The following SLC35F3 variants were observed in gnomAD, a reference collection of about 807,000 sequenced individuals.
SLC35F3 encodes putative thiamine transporter SLC35F3.
A neutral mutation model predicts 49.9 loss-of-function variants in SLC35F3; 25 were observed. The ratio of observed to expected loss-of-function variants is 0.50; its 90% CI spans 0.37 to 0.70. SLC35F3 has a LOEUF of 0.70. SLC35F3 is among the 30% of genes least tolerant of loss of function. SLC35F3 has a pLI of 0.00. For synonymous variants in SLC35F3, 275 were observed against 265.4 expected, an observed-to-expected ratio of 1.04 and a Z score of -0.35; for missense variants, 525 against 639.8, an observed-to-expected ratio of 0.82 and a Z score of 1.94.
intron 2 of SLC35F3, among the ~76,000 whole-genome samples, chr1:234,167,016 G>A (rs772450531): frequency 2.0e-5 from 3 of 152,194 alleles, no homozygotes; most frequent in African/African-American, 4.8e-5. Flanking sequence ...GTAGCCATTT[G>A]TCATTGCTCT....
At chr1:233,975,468 G>A (rs1663064951) in intron 2 of SLC35F3, among the ~76,000 whole-genome samples, 1 of 152,228 alleles carries the variant, frequency 6.6e-6, no homozygotes, top group African/African-American at 2.4e-5. Context: ...ACGGCCCCGT[G>A]AGTCTGGCAG....
intron 2 of SLC35F3, among the ~76,000 whole-genome samples, chr1:233,958,731 C>T (rs1304487672): frequency 1.3e-5 from 2 of 152,184 alleles, no homozygotes; most frequent in Admixed American, 6.5e-5. Flanking sequence ...TACCACAGGA[C>T]TTAAATCCAA....
rs868557916 is a variant in SLC35F3 at position 234,033,332 on chromosome 1, T to C, written c.283+127574T>C. Among the ~76,000 whole-genome samples, 7 of 152,228 alleles carry C rather than the reference T, an allele frequency of 4.6e-5. No homozygotes were observed. The South Asian group carries it at 1.4e-3, about 32-fold the overall frequency. ...GTCTGTTTCCTCTGCTGATTATTTCTTTGGCTGTGCGGAAGTTTTTAGTTT... is the reference window on the plus strand; with the variant it reads ...GTCTGTTTCCTCTGCTGATTATTTCCTTGGCTGTGCGGAAGTTTTTAGTTT... On this transcript the variant is annotated intron_variant, in intron 2 of 7. Transcript: ENST00000366618.
At chr1:234,072,262 A>G (rs1572040977) in intron 2 of SLC35F3, among the ~76,000 whole-genome samples, 2 of 152,224 alleles carry the variant, frequency 1.3e-5, no homozygotes, top group East Asian at 3.8e-4. Context: ...GTTGCACTTA[A>G]TAAAAGGCAC....
chr1:234,223,217 G>T (rs1426108560), intron 2 of SLC35F3, among the ~76,000 whole-genome samples: 2 of 152,280 alleles, frequency 1.3e-5, no homozygotes, highest in East Asian at 3.9e-4. Context: ...AGTTATTCGG[G>T]ACCTCTAAGG....
intron 2 of SLC35F3, among the ~76,000 whole-genome samples, chr1:233,996,319 T>C (rs1271717519): frequency 6.6e-6 from 1 of 152,146 alleles, no homozygotes. Context: ...TGTGTGTAGG[T>C]TATATGCAAA....
At chr1:234,319,253 G>A (rs1305419975) in intron 6 of SLC35F3, among the ~76,000 whole-genome samples, 3 of 152,200 alleles carry the variant, frequency 2.0e-5, no homozygotes, top group Non-Finnish European at 4.4e-5. Flanking sequence ...TACCTGCAGA[G>A]GTCTTAGAAC....
intron 2 of SLC35F3, among the ~76,000 whole-genome samples, chr1:233,966,267 G>A (rs1301963755): frequency 6.6e-6 from 1 of 152,206 alleles, no homozygotes; most frequent in African/African-American, 2.4e-5. Flanking sequence ...TCAATAAGAG[G>A]TGACGGGTCT....
chr1:234,204,614 G>A (rs893077174), intron 2 of SLC35F3, among the ~76,000 whole-genome samples: 4 of 152,174 alleles, frequency 2.6e-5, no homozygotes, highest in African/African-American at 4.8e-5. Flanking sequence ...CAGAAACACT[G>A]TGGCACCAAC....
intron 2 of SLC35F3, among the ~76,000 whole-genome samples, chr1:233,999,978 C>A (rs1235664057): frequency 1.3e-5 from 2 of 151,986 alleles, no homozygotes; most frequent in African/African-American, 4.8e-5. Context: ...TGAGAATGAC[C>A]CCTGAACTCT....
intron 2 of SLC35F3, among the ~76,000 whole-genome samples, chr1:234,108,458 TTA>T (rs1203685315): frequency 2.3e-5 from 2 of 86,192 alleles, no homozygotes; most frequent in South Asian, 4.0e-4. Flanking sequence ...TATATATTAT[TTA>T]TATATATAAA....
At chr1:234,159,109 G>GC in intron 2 of SLC35F3, among the ~76,000 whole-genome samples, 2 of 152,164 alleles carry the variant, frequency 1.3e-5, no homozygotes, top group Middle Eastern at 6.8e-3. Flanking sequence ...TTTTCTCAGT[G>GC]CAAGACTCTT....
chr1:234,094,571 G>A (rs1288022810), intron 2 of SLC35F3, among the ~76,000 whole-genome samples: 2 of 152,132 alleles, frequency 1.3e-5, no homozygotes, highest in Non-Finnish European at 2.9e-5. Context: ...TGTGATTGAT[G>A]GGCCATTATT....
At chr1:234,158,343 AG>A (rs1364147251) in intron 2 of SLC35F3, among the ~76,000 whole-genome samples, 4 of 152,220 alleles carry the variant, frequency 2.6e-5, no homozygotes, top group African/African-American at 9.6e-5. Context: ...GAATAAGCAA[AG>A]TTATCTATAA....
intron 2 of SLC35F3, among the ~76,000 whole-genome samples, chr1:234,170,807 C>T (rs77513965): frequency 4.9e-4 from 74 of 152,028 alleles, no homozygotes; most frequent in South Asian, 1.2e-3. Context: ...AAGTACTTAA[C>T]GGTTGCACGA....
chr1:234,233,744 A>G (rs1418200331), intron 3 of SLC35F3, among the ~76,000 whole-genome samples: 9 of 152,270 alleles, frequency 5.9e-5, no homozygotes, highest in Non-Finnish European at 1.0e-4. Flanking sequence ...ACTGGCGAAC[A>G]ATGTAAAAGA....
chr1:234,266,831 A>G (rs1042880241), intron 3 of SLC35F3, among the ~76,000 whole-genome samples: 1 of 149,540 alleles, frequency 6.7e-6, no homozygotes, highest in African/African-American at 2.5e-5. Context: ...ACCGGTATAT[A>G]TGCAATCCAT....
chr1:234,126,850 C>T (rs1665655947), intron 2 of SLC35F3, among the ~76,000 whole-genome samples: 1 of 152,136 alleles, frequency 6.6e-6, no homozygotes, highest in Non-Finnish European at 1.5e-5. Context: ...CACGCACTAC[C>T]GTGCTGGGCT....
intron 3 of SLC35F3, among the ~76,000 whole-genome samples, chr1:234,267,650 C>T (rs1668012354): frequency 6.6e-6 from 1 of 151,830 alleles, no homozygotes. Context: ...CCCCCACCTC[C>T]CTCCCGGACG....
Sources: allele counts gnomAD v4.1 joint callset (sites outside exome capture counted in the v4.1 genomes callset), GRCh38; gene constraint gnomAD v4.1.1; transcripts MANE v1.5; gene names NCBI Gene and HGNC (gene_info 2026-07-23, HGNC 2026-07-21).